The following ANXA8 variants were observed in gnomAD, a reference collection of about 807,000 sequenced individuals.
The protein encoded by ANXA8 is VAC-beta.
A neutral mutation model predicts 26.8 loss-of-function variants in ANXA8; 9 were observed. That is an observed-to-expected ratio of 0.34 (90% CI 0.20 to 0.59). The LOEUF is 0.59. ANXA8 is among the 20% of genes least tolerant of loss of function. The pLI is 0.84. For missense variants in ANXA8, 83 were observed against 238.5 expected (o/e 0.35, Z 4.29); for synonymous variants, 39 against 94.8 (o/e 0.41, Z 3.42).
At chr10:47,692,427 T>G in the ANXA8 span, 1 of 22,150 alleles carries the variant, frequency 4.5e-5, no homozygotes, top group African/African-American at 1.5e-4. Context: ...CATTACCCAG[T>G]CTGATCTCCA....
chr10:47,675,190 TATAA>T, the ANXA8 span, among the ~76,000 whole-genome samples: 1 of 145,134 alleles, frequency 6.9e-6, no homozygotes, highest in East Asian at 2.0e-4. Context: ...TCCACATATC[TATAA>T]ATATTTCTAT....
the ANXA8 span, among the ~76,000 whole-genome samples, chr10:47,711,335 A>C: frequency 6.7e-6 from 1 of 150,174 alleles, no homozygotes; most frequent in Non-Finnish European, 1.5e-5. Flanking sequence ...CTCTTGTGAG[A>C]TCCTTTAGTT....
the ANXA8 span, among the ~76,000 whole-genome samples, chr10:47,718,266 T>C: frequency 2.7e-5 from 4 of 147,050 alleles, no homozygotes; most frequent in East Asian, 2.1e-4. Flanking sequence ...AGCCCAGGAG[T>C]TGGAGACCAG....
At chr10:47,748,037 AGTG>A in the ANXA8 span, among the ~76,000 whole-genome samples, 1 of 152,232 alleles carries the variant, frequency 6.6e-6, no homozygotes, top group African/African-American at 2.4e-5. Context: ...ACTTGTGGGA[AGTG>A]GTGAACAGGC....
the ANXA8 span, among the ~76,000 whole-genome samples, chr10:47,679,189 CA>C: frequency 1.3e-5 from 2 of 148,642 alleles, no homozygotes; most frequent in Non-Finnish European, 3.0e-5. Flanking sequence ...CCAGCCTGGG[CA>C]ATTTCCTTAA....
the ANXA8 span, among the ~76,000 whole-genome samples, chr10:47,663,163 C>T: frequency 6.9e-6 from 1 of 144,122 alleles, no homozygotes; most frequent in South Asian, 2.1e-4. Flanking sequence ...GCCTGGGTAA[C>T]AGAATGAGAC....
At chr10:47,985,972 C>T in the ANXA8 span, 9 of 150,972 alleles carry the variant, frequency 6.0e-5, no homozygotes, top group Admixed American at 2.6e-4. Flanking sequence ...TCAACCTAGT[C>T]TGTTTATTCA....
chr10:47,597,630 A>C, the ANXA8 span, among the ~76,000 whole-genome samples: 1 of 139,462 alleles, frequency 7.2e-6, no homozygotes, highest in Non-Finnish European at 1.5e-5. Flanking sequence ...ACTGAGAACC[A>C]AATCAAGAAC....
At chr10:47,684,285 A>G in the ANXA8 span, among the ~76,000 whole-genome samples, 747 of 152,178 alleles carry the variant, frequency 4.9e-3, no homozygotes, top group African/African-American at 0.017. Flanking sequence ...TGCCCTTGCC[A>G]GTTTCCATCC....
chr10:47,491,553 C>G, the ANXA8 span: 24 of 1,453,454 alleles, frequency 1.7e-5, no homozygotes, highest in Non-Finnish European at 2.1e-5. Context: ...CAGACCCAGT[C>G]TGCCCCAGAT....
the ANXA8 span, among the ~76,000 whole-genome samples, chr10:47,745,003 C>G: frequency 5.9e-5 from 9 of 151,938 alleles, no homozygotes; most frequent in African/African-American, 2.2e-4. Flanking sequence ...GATTCCTCCC[C>G]CAAGCCTGGC....
the ANXA8 span, among the ~76,000 whole-genome samples, chr10:47,603,404 A>G: frequency 6.7e-6 from 1 of 149,918 alleles, no homozygotes; most frequent in Non-Finnish European, 1.5e-5. Flanking sequence ...CAAACAGATA[A>G]CCGATTTTAA....
At chr10:47,980,421 G>T in the ANXA8 span, among the ~76,000 whole-genome samples, 1 of 151,272 alleles carries the variant, frequency 6.6e-6, no homozygotes, top group East Asian at 1.9e-4. Flanking sequence ...AATAAAGATT[G>T]TAGTGGAAAT....
the ANXA8 span, among the ~76,000 whole-genome samples, chr10:47,610,616 G>A: frequency 2.2e-4 from 30 of 134,808 alleles, no homozygotes; most frequent in African/African-American, 7.8e-4. Flanking sequence ...TATAATTAGG[G>A]GAGGAATTGT....
At chr10:47,701,892 G>C in the ANXA8 span, among the ~76,000 whole-genome samples, 2 of 151,536 alleles carry the variant, frequency 1.3e-5, no homozygotes, top group African/African-American at 4.9e-5. Flanking sequence ...GGGAAGAAAA[G>C]AACAAACCTA....
chr10:47,726,884 A>C, the ANXA8 span: 1 of 1,586,544 alleles, frequency 6.3e-7, no homozygotes, highest in Non-Finnish European at 8.7e-7. Flanking sequence ...TAATGTTTAC[A>C]TCCATGTAGA....
chr10:47,587,649 T>G, the ANXA8 span, among the ~76,000 whole-genome samples: 1 of 147,054 alleles, frequency 6.8e-6, no homozygotes, highest in Non-Finnish European at 1.5e-5. Context: ...TAGATAAATG[T>G]AAATAATAAT....
At chr10:47,489,037 A>G (rs1240194695), upstream of ANXA8, among the ~76,000 whole-genome samples, 4 of 138,638 alleles carry the variant, frequency 2.9e-5, no homozygotes, top group Non-Finnish European at 3.1e-5. Flanking sequence ...TTTTTTTTTG[A>G]GACCGAGTCT....
chr10:47,689,314 G>C, the ANXA8 span, among the ~76,000 whole-genome samples: 1 of 151,580 alleles, frequency 6.6e-6, no homozygotes, highest in African/African-American at 2.4e-5. Context: ...AAGTGGCTGG[G>C]ACTACAGGCA....
Sources: gnomAD v4.1 joint callset for allele counts (sites outside exome capture counted in the v4.1 genomes callset) on GRCh38, gnomAD v4.1.1 for gene constraint, MANE v1.5 for transcripts, NCBI Gene and HGNC (gene_info 2026-07-23, HGNC 2026-07-21) for gene names.